Variants in SLC44A3 observed in about 807,000 individuals in gnomAD.
The protein encoded by SLC44A3 is solute carrier family 44 member 3, also known as choline transporter-like protein 3.
Under a neutral mutation model 75.4 loss-of-function variants are expected in SLC44A3, and 74 were observed. That is an observed-to-expected ratio of 0.98 (90% confidence interval 0.81 to 1.19). The LOEUF (loss-of-function observed/expected upper bound fraction) is 1.19, where lower values mean the gene tolerates loss of function less well. SLC44A3 is among the 50% of genes most tolerant of loss of function. The probability of loss-of-function intolerance (pLI) is 0.00; values close to 1 mark genes in which losing one functional copy is unlikely to be tolerated. For missense variants in SLC44A3, 700 were observed against 778.6 expected, an observed-to-expected ratio of 0.90 and a Z score of 1.20; for synonymous variants, 310 against 296.9, an observed-to-expected ratio of 1.04 and a Z score of -0.45.
Position 94,872,255 on chromosome 1 carries a change from C to G in SLC44A3, c.1482+4838C>G, listed in dbSNP as rs185681346. Among the ~76,000 whole-genome samples, 592 of 152,198 alleles carry G rather than the reference C, an allele frequency of 3.9e-3. 8 individuals are homozygous for G. Among genetic ancestry groups the G allele is most frequent in the African/African-American group, 0.014 (562 of 41,526 alleles). The stretch of plus-strand genomic sequence containing the variant: ...TAGCTGGGATTACAGGCTTGTCCCA[C>G]CACACCTGGCTGATTTTGTATTTTT... On this transcript the variant is annotated intron_variant, in intron 12 of 14. Transcript: ENST00000271227.
intron 7 of SLC44A3, among the ~76,000 whole-genome samples, chr1:94,841,708 G>T (rs189615868): frequency 6.6e-6 from 1 of 152,156 alleles, no homozygotes; most frequent in African/African-American, 2.4e-5. Context: ...CCTCCTGCTC[G>T]CATCCAGACC....
chr1:94,891,365 C>G (rs2101682065), intron 13 of SLC44A3, 98 bp downstream of exon 13: 1 of 1,239,716 alleles, frequency 8.1e-7, no homozygotes, highest in South Asian at 1.5e-5. Context: ...AGTACTTACT[C>G]TATAGTGGGT....
At chr1:94,867,440 A>G in intron 12 of SLC44A3, 23 bp downstream of exon 12, 1 of 1,584,096 alleles carries the variant, frequency 6.3e-7, no homozygotes, top group Non-Finnish European at 8.6e-7. Flanking sequence ...CTCTTGCCTC[A>G]GGAACACACA....
chr1:94,856,393 A>G (rs1665878946), intron 9 of SLC44A3, among the ~76,000 whole-genome samples: 1 of 152,238 alleles, frequency 6.6e-6, no homozygotes, highest in Admixed American at 6.5e-5. Context: ...AAAGGGGTAA[A>G]GCTGGGATCT....
chr1:94,842,124 G>A lies in SLC44A3; in HGVS notation c.885G>A (p.Thr295=), dbSNP rs144117916. 112 of 1,603,984 alleles carry A rather than the reference G, an allele frequency of 7.0e-5. No individual in the cohort carries two copies. The highest frequency in any genetic ancestry group is 5.0e-4 in the Middle Eastern group (3 of 6,004). ...LGFAIVSTGI[T]AVLLVLIFVL... ...TTGCTATCGTATCCACAGGCATCAC[G>A]GTAAGAAATGCTCTTCTAGCAGTAG... is the stretch of plus-strand genomic sequence containing the variant. Residue 295 remains threonine (T), a splice_region_variant and synonymous_variant, in exon 8 of 15, where the codon ACG becomes ACA. Transcript: ENST00000271227.
intron 13 of SLC44A3, among the ~76,000 whole-genome samples, 155 bp downstream of exon 13, chr1:94,891,422 C>A (rs1670196903): frequency 6.6e-6 from 1 of 152,150 alleles, no homozygotes. Context: ...TGAGGTATCC[C>A]TACTTTGCAG....
chr1:94,886,069 C>T (rs1267785914), intron 12 of SLC44A3, among the ~76,000 whole-genome samples: 20 of 152,208 alleles, frequency 1.3e-4, no homozygotes, highest in African/African-American at 4.8e-5. Context: ...GAAGAACTCA[C>T]GGTCTTTGGG....
At chr1:94,840,207 G>A (rs1188179285) in intron 7 of SLC44A3, among the ~76,000 whole-genome samples, 170 bp downstream of exon 7, 5 of 150,408 alleles carry the variant, frequency 3.3e-5, no homozygotes, top group Admixed American at 3.3e-4. Context: ...GATGGGAGTT[G>A]CTATGTCTCA....
intron 7 of SLC44A3, among the ~76,000 whole-genome samples, chr1:94,840,837 A>G (rs1207555920): frequency 6.6e-6 from 1 of 152,234 alleles, no homozygotes; most frequent in African/African-American, 2.4e-5. Flanking sequence ...TACTGTGCCC[A>G]TATTTCCCTC....
intron 9 of SLC44A3, among the ~76,000 whole-genome samples, chr1:94,854,320 C>T (rs1207618537): frequency 6.6e-6 from 1 of 152,224 alleles, no homozygotes; most frequent in African/African-American, 2.4e-5. Flanking sequence ...CTCTTCTTCA[C>T]CATCAGAGAG....
chr1:94,827,302 A>C (rs1661502637), intron 3 of SLC44A3: 3 of 605,546 alleles, frequency 5.0e-6, no homozygotes. Flanking sequence ...AGCTTTGTTA[A>C]TGTTTTTGGA....
At chr1:94,879,850 A>AAG (rs972136200) in intron 12 of SLC44A3, among the ~76,000 whole-genome samples, 4 of 151,862 alleles carry the variant, frequency 2.6e-5, no homozygotes, top group African/African-American at 9.7e-5. Flanking sequence ...AAAAAAAAAA[A>AAG]AAAGAAAAAA....
In SLC44A3 at chr1:94,824,528, C is replaced by T. The variant is rs149788729; in HGVS notation, c.171C>T (p.Ala57=). Residue 57 remains alanine (A), a synonymous_variant, in exon 3 of 15, where the codon GCC becomes GCT. Transcript: ENST00000271227. ...TGGGCTACTCGGTGGTGGCTGGAGC[C>T]GCGGGAAGACTCCTCTTTGGCTATG... ...FIMGYSVVAG[A]AGRLLFGYDS... 1.0e-4 allele frequency: 161 copies of T among 1,610,134 alleles called. 1 individual carries two copies. Among genetic ancestry groups the T allele is most frequent in the African/African-American group, 8.7e-4 (65 of 74,540 alleles).
Position 94,857,402 on chromosome 1 carries a change from G to A in SLC44A3, c.1140G>A (p.Trp380Ter). 1 of 1,614,126 alleles carries A rather than the reference G, an allele frequency of 6.2e-7. No individual in the cohort carries two copies. The highest frequency in any genetic ancestry group is 8.5e-7 in the Non-Finnish European group (1 of 1,180,010). Residue 380 changes from tryptophan (W) to a stop codon, truncating the protein, a stop_gained, in exon 10 of 15, where the codon TGG becomes TGA. Coordinates refer to ENST00000271227, the MANE Select transcript of SLC44A3 (RefSeq NM_001114106.3). LOFTEE classifies it high-confidence loss of function. ...CCCTTTCGGGCATTCGGTACATGTGGTCGTACCATTTAATTGGCCTCATCT... is the reference window on the plus strand; with the variant it reads ...CCCTTTCGGGCATTCGGTACATGTGATCGTACCATTTAATTGGCCTCATCT... ...YKPLSGIRYM[W>*]SYHLIGLIWT...
intron 5 of SLC44A3, among the ~76,000 whole-genome samples, chr1:94,830,957 C>T (rs1043550869): frequency 2.6e-5 from 4 of 152,156 alleles, no homozygotes; most frequent in African/African-American, 9.7e-5. Context: ...TTGTTTTCAT[C>T]CCTATCTTAC....
intron 11 of SLC44A3, among the ~76,000 whole-genome samples, chr1:94,866,252 C>G (rs1667153236): frequency 6.6e-6 from 1 of 152,166 alleles, no homozygotes; most frequent in Admixed American, 6.5e-5. Flanking sequence ...CTTGCTCTCC[C>G]TCCTAAAGCT....
intron 1 of SLC44A3, 52 bp downstream of exon 1, chr1:94,820,530 A>G: frequency 1.4e-6 from 2 of 1,472,890 alleles, no homozygotes; most frequent in Non-Finnish European, 1.8e-6. Context: ...GGAAGGGTCG[A>G]GTCCCCCGCC....
chr1:94,864,622 G>A (rs1179615304), intron 10 of SLC44A3, 121 bp from the exon 11 acceptor site: 5 of 1,032,288 alleles, frequency 4.8e-6, no homozygotes, highest in South Asian at 4.0e-5. Flanking sequence ...TAAAAAGTTC[G>A]CCAAATGCTT....
intron 11 of SLC44A3, among the ~76,000 whole-genome samples, chr1:94,865,421 T>C (rs1284653576): frequency 1.3e-5 from 2 of 151,808 alleles, no homozygotes; most frequent in Non-Finnish European, 2.9e-5. Flanking sequence ...TGAATGAGAG[T>C]GTGTATGTGT....
Sources: gnomAD v4.1 joint callset for allele counts (sites outside exome capture counted in the v4.1 genomes callset) on GRCh38, gnomAD v4.1.1 for gene constraint, MANE v1.5 for transcripts, NCBI Gene and HGNC (gene_info 2026-07-23, HGNC 2026-07-21) for gene names.